SMAP1: variants seen among roughly 807,000 people sequenced by gnomAD.
SMAP1 encodes small ArfGAP 1, also known as stromal membrane-associated protein 1.
SMAP1 carries 24 observed loss-of-function variants against 58.5 expected under a neutral mutation model. That is an observed-to-expected ratio of 0.41 (90% CI 0.30 to 0.58). SMAP1 has a LOEUF of 0.58. Ranked by LOEUF, SMAP1 falls within the 20% of genes least tolerant of loss-of-function variation. The pLI is 0.29. For missense variants in SMAP1, 563 were observed against 566.3 expected, an observed-to-expected ratio of 0.99 and a Z score of 0.06; for synonymous variants, 216 against 196.6, an observed-to-expected ratio of 1.10 and a Z score of -0.82.
At chr6:70,785,596 G>A (rs1431286391) in intron 4 of SMAP1, among the ~76,000 whole-genome samples, 5 of 151,916 alleles carry the variant, frequency 3.3e-5, no homozygotes, top group East Asian at 1.9e-4. Flanking sequence ...TCAAATAGAC[G>A]CAATAAAAAA....
At chr6:70,768,664 G>C (rs1290082187) in intron 3 of SMAP1, among the ~76,000 whole-genome samples, 2 of 152,096 alleles carry the variant, frequency 1.3e-5, no homozygotes, top group East Asian at 1.9e-4. Context: ...AGTCTTGCTA[G>C]TGGTCTATCA....
At chr6:70,837,513 T>C (rs1362706034) in intron 7 of SMAP1, among the ~76,000 whole-genome samples, 3 of 152,148 alleles carry the variant, frequency 2.0e-5, no homozygotes, top group Admixed American at 6.5e-5. Flanking sequence ...ATATAACTTA[T>C]TCAATGAGAA....
At chr6:70,781,739 A>G (rs1259209031) in intron 4 of SMAP1, among the ~76,000 whole-genome samples, 2 of 152,216 alleles carry the variant, frequency 1.3e-5, no homozygotes, top group African/African-American at 4.8e-5. Context: ...AATTTTAAAC[A>G]TTATGCTTTA....
intron 1 of SMAP1, among the ~76,000 whole-genome samples, chr6:70,715,014 G>A (rs187863895): frequency 3.2e-4 from 49 of 151,280 alleles, no homozygotes; most frequent in Non-Finnish European, 5.0e-4. Flanking sequence ...CTTCTTTCTT[G>A]CTGCTTTCAA....
chr6:70,719,115 A>G (rs941130183), intron 1 of SMAP1, among the ~76,000 whole-genome samples: 2 of 152,292 alleles, frequency 1.3e-5, no homozygotes, highest in Non-Finnish European at 1.5e-5. Context: ...TGAAATTAGC[A>G]AGGAAAAGTA....
At chr6:70,707,001 CAT>C (rs749153292) in intron 1 of SMAP1, among the ~76,000 whole-genome samples, 72 of 152,120 alleles carry the variant, frequency 4.7e-4, no homozygotes, top group Non-Finnish European at 8.8e-4. Flanking sequence ...TATTTTGCCA[CAT>C]ATGTTTGTCC....
chr6:70,859,131 C>T (rs1276709961), intron 10 of SMAP1: 4 of 462,860 alleles, frequency 8.6e-6, no homozygotes, highest in Non-Finnish European at 1.5e-5. Context: ...AACATTAGCA[C>T]AATCACTATA....
Position 70,791,719 on chromosome 6 carries a change from T to A in SMAP1, c.445T>A (p.Leu149Met). Residue 149 changes from leucine (L) to methionine (M), a missense_variant, in exon 5 of 11, where the codon TTG (leucine) becomes ATG (methionine). Coordinates refer to ENST00000370455, the MANE Select transcript of SMAP1 (RefSeq NM_001044305.3). ...CTCCTCTGATGCTCCTCTTCAGCCTTTGGTATCCTCTCCTTCTCTGCAAGC... is the reference window on the plus strand; with the variant it reads ...CTCCTCTGATGCTCCTCTTCAGCCTATGGTATCCTCTCCTTCTCTGCAAGC... The part of the protein sequence containing the change: ...ISSSDAPLQP[L>M]VSSPSLQAAV... 1 of 1,613,594 alleles carries A rather than the reference T, an allele frequency of 6.2e-7. No individual in the cohort carries two copies. Among genetic ancestry groups the A allele is most frequent in the Non-Finnish European group, 8.5e-7 (1 of 1,179,782 alleles).
intron 6 of SMAP1, among the ~76,000 whole-genome samples, chr6:70,822,926 T>G (rs1409523904): frequency 6.6e-6 from 1 of 152,116 alleles, no homozygotes; most frequent in Non-Finnish European, 1.5e-5. Flanking sequence ...GTGTCCAGTC[T>G]CCTAATGAGC....
At chr6:70,675,022 C>G (rs1481743707) in intron 1 of SMAP1, among the ~76,000 whole-genome samples, 1 of 151,720 alleles carries the variant, frequency 6.6e-6, no homozygotes, top group African/African-American at 2.4e-5. Context: ...TGTCTACAAG[C>G]TAGTTAGAGA....
chr6:70,763,558 A>G (rs890285734), intron 3 of SMAP1, among the ~76,000 whole-genome samples: 11 of 152,290 alleles, frequency 7.2e-5, no homozygotes, highest in East Asian at 1.9e-4. Context: ...TCAAAAAGCT[A>G]TAATAGAAAG....
intron 3 of SMAP1, among the ~76,000 whole-genome samples, chr6:70,770,333 C>T (rs1450756962): frequency 6.6e-6 from 1 of 152,162 alleles, no homozygotes; most frequent in African/African-American, 2.4e-5. Flanking sequence ...GGATAATATC[C>T]TGCAGAGTGT....
chr6:70,676,600 A>C (rs986067417), intron 1 of SMAP1, among the ~76,000 whole-genome samples: 5 of 152,188 alleles, frequency 3.3e-5, no homozygotes, highest in Non-Finnish European at 7.3e-5. Context: ...GTTGTTGGGA[A>C]GACTGTCACC....
intron 1 of SMAP1, among the ~76,000 whole-genome samples, chr6:70,704,194 A>G (rs1767747426): frequency 6.6e-6 from 1 of 152,228 alleles, no homozygotes; most frequent in African/African-American, 2.4e-5. Flanking sequence ...AAGTTTATTT[A>G]TAACATCTGT....
intron 1 of SMAP1, among the ~76,000 whole-genome samples, chr6:70,680,938 C>T (rs1251132213): frequency 6.6e-6 from 1 of 151,738 alleles, no homozygotes; most frequent in African/African-American, 2.4e-5. Flanking sequence ...AGGCTGGTCT[C>T]GAACTCCTGA....
chr6:70,684,757 TA>T (rs1202058784), intron 1 of SMAP1, among the ~76,000 whole-genome samples: 1 of 152,222 alleles, frequency 6.6e-6, no homozygotes, highest in Non-Finnish European at 1.5e-5. Flanking sequence ...TAAAAAAAAG[TA>T]GTTATATGGT....
At chr6:70,793,644 T>TAGAGAGAGAG (rs70990334) in intron 5 of SMAP1, among the ~76,000 whole-genome samples, 2,406 of 140,356 alleles carry the variant, frequency 0.017, 41 homozygotes, top group Non-Finnish European at 0.023. Flanking sequence ...GGAGAGTAGT[T>TAGAGAGAGAG]AGAGAGAGAG....
chr6:70,834,986 A>G (rs1463204883), intron 6 of SMAP1, among the ~76,000 whole-genome samples: 1 of 151,958 alleles, frequency 6.6e-6, no homozygotes, highest in Non-Finnish European at 1.5e-5. Flanking sequence ...GCAGTGGCTC[A>G]CGCCTGTAAT....
chr6:70,732,743 G>C (rs752888870), intron 2 of SMAP1, among the ~76,000 whole-genome samples: 10 of 151,952 alleles, frequency 6.6e-5, no homozygotes, highest in Non-Finnish European at 1.3e-4. Flanking sequence ...TGATTTTAAA[G>C]TGTTTTTAAA....
Sources: allele counts gnomAD v4.1 joint callset (sites outside exome capture counted in the v4.1 genomes callset), GRCh38; gene constraint gnomAD v4.1.1; transcripts MANE v1.5; gene names NCBI Gene and HGNC (gene_info 2026-07-23, HGNC 2026-07-21).